The following ARHGAP24 variants were observed in gnomAD, a reference collection of about 807,000 sequenced individuals.
ARHGAP24 encodes Rho GTPase activating protein 24, also known as rho GTPase-activating protein 24.
Under a neutral mutation model 76.4 loss-of-function variants are expected in ARHGAP24, and 50 were observed. The observed-to-expected ratio is 0.65, with a 90% confidence interval of 0.52 to 0.83. The LOEUF is 0.83. Among genes scored for constraint, ARHGAP24 ranks in the 40% least tolerant of loss-of-function variants. ARHGAP24 has a pLI of 0.00. For missense variants in ARHGAP24, 930 were observed against 914.2 expected, an observed-to-expected ratio of 1.02 and a Z score of -0.22; for synonymous variants, 345 against 323.3, an observed-to-expected ratio of 1.07 and a Z score of -0.72.
intron 1 of ARHGAP24, among the ~76,000 whole-genome samples, chr4:85,558,146 CT>C (rs1453627962): frequency 6.6e-6 from 1 of 152,040 alleles, no homozygotes; most frequent in African/African-American, 2.4e-5. Flanking sequence ...GTCACTGTTG[CT>C]AGGGAGCTCA....
intron 3 of ARHGAP24, among the ~76,000 whole-genome samples, chr4:85,864,651 A>G (rs1732094379): frequency 6.6e-6 from 1 of 151,690 alleles, no homozygotes; most frequent in Non-Finnish European, 1.5e-5. Flanking sequence ...ATATAAGCTT[A>G]GGGAGTGGGT....
At chr4:85,532,991 C>G (rs562859788) in intron 1 of ARHGAP24, among the ~76,000 whole-genome samples, 1 of 152,330 alleles carries the variant, frequency 6.6e-6, no homozygotes, top group Admixed American at 6.5e-5. Flanking sequence ...CATGGGGTGA[C>G]ACCTGGAACA....
At chr4:85,715,007 C>T (rs1219262801) in intron 2 of ARHGAP24, among the ~76,000 whole-genome samples, 3 of 152,166 alleles carry the variant, frequency 2.0e-5, no homozygotes, top group South Asian at 2.1e-4. Flanking sequence ...ACAGAGTCTG[C>T]CTGGTGTTCC....
chr4:85,952,628 T>G (rs771143101), intron 5 of ARHGAP24, among the ~76,000 whole-genome samples: 6 of 152,246 alleles, frequency 3.9e-5, no homozygotes, highest in Non-Finnish European at 7.3e-5. Flanking sequence ...CTTTCTGCTC[T>G]TCTTTAATTA....
chr4:85,487,931 A>C (rs1039375591), intron 1 of ARHGAP24, among the ~76,000 whole-genome samples: 10 of 142,202 alleles, frequency 7.0e-5, no homozygotes, highest in African/African-American at 2.6e-4. Context: ...TTAGAGACAG[A>C]ATCTTGCTCT....
At chr4:85,747,998 T>A (rs72656279) in intron 3 of ARHGAP24, among the ~76,000 whole-genome samples, 11,446 of 152,292 alleles carry the variant, frequency 0.075, 501 homozygotes, top group Middle Eastern at 0.1. Flanking sequence ...CTTATATCTG[T>A]TCATGCCTAG....
At position 85,696,342 on chromosome 4, in the gene ARHGAP24, C is replaced by T. The variant is rs1723865031; in HGVS notation, c.181-25543C>T. On this transcript the variant is annotated intron_variant, in intron 2 of 9. Transcript: ENST00000395184. The stretch of plus-strand genomic sequence containing the variant: ...TACATATTGAATGTATTTATTTCTT[C>T]CTGCTTCATCATCAACTTTTATTAG... Among the ~76,000 whole-genome samples the T allele has an allele frequency of 2.6e-5, 4 of 152,116 alleles. No homozygotes were observed. In the South Asian group the frequency reaches 8.3e-4, roughly 32 times the overall value.
At chr4:85,757,642 G>A (rs1457348616) in intron 3 of ARHGAP24, among the ~76,000 whole-genome samples, 1 of 152,140 alleles carries the variant, frequency 6.6e-6, no homozygotes, top group African/African-American at 2.4e-5. Context: ...TTGGTTCCAA[G>A]TCTTTGCTAT....
chr4:85,580,138 G>T (rs1390268758), intron 2 of ARHGAP24, among the ~76,000 whole-genome samples: 2 of 147,194 alleles, frequency 1.4e-5, no homozygotes, highest in Admixed American at 7.1e-5. Flanking sequence ...GTGTGTGGTG[G>T]GGGGGGAGGG....
intron 3 of ARHGAP24, among the ~76,000 whole-genome samples, chr4:85,738,619 G>C (rs867060887): frequency 3.3e-5 from 5 of 151,904 alleles, no homozygotes; most frequent in African/African-American, 9.7e-5. Context: ...GTCTAAGCAG[G>C]CTTTGCCTAA....
intron 2 of ARHGAP24, among the ~76,000 whole-genome samples, chr4:85,642,915 C>G (rs1337370725): frequency 6.6e-6 from 1 of 152,258 alleles, no homozygotes; most frequent in African/African-American, 2.4e-5. Flanking sequence ...AGGCACTTCA[C>G]TTTCTGGCTC....
chr4:85,677,973 G>A (rs1054630227), intron 2 of ARHGAP24, among the ~76,000 whole-genome samples: 3 of 151,990 alleles, frequency 2.0e-5, no homozygotes, highest in Non-Finnish European at 2.9e-5. Context: ...CCAGGAGTTC[G>A]AGGATGTAGT....
intron 3 of ARHGAP24, among the ~76,000 whole-genome samples, chr4:85,787,200 A>G (rs1727883729): frequency 6.6e-6 from 1 of 152,200 alleles, no homozygotes; most frequent in South Asian, 2.1e-4. Flanking sequence ...AGACACTAAC[A>G]AGAGGATATG....
At chr4:85,929,746 C>A (rs1047992165) in intron 4 of ARHGAP24, among the ~76,000 whole-genome samples, 5 of 152,156 alleles carry the variant, frequency 3.3e-5, no homozygotes, top group Non-Finnish European at 2.9e-5. Context: ...CACACATACA[C>A]ATGTATAAAT....
At chr4:85,932,632 C>CG (rs1446762957) in intron 4 of ARHGAP24, among the ~76,000 whole-genome samples, 1 of 152,120 alleles carries the variant, frequency 6.6e-6, no homozygotes, top group Non-Finnish European at 1.5e-5. Context: ...TATCCTCTCC[C>CG]GGGGGGCTAT....
chr4:85,999,669 T>G (rs1383044125), intron 9 of ARHGAP24, among the ~76,000 whole-genome samples: 3 of 152,198 alleles, frequency 2.0e-5, no homozygotes, highest in African/African-American at 7.2e-5. Context: ...ACCCCTCTTT[T>G]GAATAATATA....
rs533301157 is a variant in ARHGAP24 at position 85,607,815 on chromosome 4, T to C, written c.180+37094T>C. Among the ~76,000 whole-genome samples the C allele has an allele frequency of 8.7e-5, 13 of 148,950 alleles. No homozygotes were observed. The East Asian group carries it at 2.7e-3, about 31-fold the overall frequency. On this transcript the variant is annotated intron_variant, in intron 2 of 9. Transcript: ENST00000395184. ...CCATAGCTACGCCGTGCCAACTTTC[T>C]CAGGGTTTAGCCCCTTGGTCTTGGG...
Position 85,623,986 on chromosome 4 carries a change from G to A in ARHGAP24, c.180+53265G>A, listed in dbSNP as rs1405195314. 2.6e-5 allele frequency among the ~76,000 whole-genome samples: 4 copies of A among 152,122 alleles called. No individual in the cohort carries two copies. In the East Asian group the frequency reaches 5.8e-4, roughly 22 times the overall value. On this transcript the variant is annotated intron_variant, in intron 2 of 9. Transcript: ENST00000395184. ...TGCTTATCAGCTTAAGGAGATTTTG[G>A]GCTGAGACAATGGGGTTTTCTAGAT...
At chr4:85,582,270 T>C (rs763832589) in intron 2 of ARHGAP24, among the ~76,000 whole-genome samples, 100 of 152,130 alleles carry the variant, frequency 6.6e-4, no homozygotes, top group Non-Finnish European at 1.2e-3. Context: ...AGTAAAAATC[T>C]TGAAGCCAGT....
Sources: allele counts gnomAD v4.1 joint callset (sites outside exome capture counted in the v4.1 genomes callset), GRCh38; gene constraint gnomAD v4.1.1; transcripts MANE v1.5; gene names NCBI Gene and HGNC (gene_info 2026-07-23, HGNC 2026-07-21).